CALD1: variants seen among roughly 807,000 people sequenced by gnomAD.
CALD1 encodes caldesmon 1.
Under a neutral mutation model 99.9 loss-of-function variants are expected in CALD1, and 33 were observed. The ratio of observed to expected loss-of-function variants is 0.33; its 90% CI spans 0.25 to 0.44. The LOEUF is 0.44. Ranked by LOEUF, CALD1 falls within the 20% of genes least tolerant of loss-of-function variation. The pLI is 1.00. For synonymous variants in CALD1, 310 were observed against 325.0 expected (o/e 0.95, Z 0.50); for missense variants, 861 against 962.1 (o/e 0.89, Z 1.39).
intron 3 of CALD1, among the ~76,000 whole-genome samples, chr7:134,868,709 G>T (rs1451273530): frequency 2.6e-5 from 4 of 152,178 alleles, no homozygotes; most frequent in Non-Finnish European, 5.9e-5. Flanking sequence ...AAAAGCAAAA[G>T]ATAAAATAAC....
intron 1 of CALD1, chr7:134,809,562 T>A (rs1486539014): frequency 6.6e-6 from 1 of 152,232 alleles, no homozygotes; most frequent in East Asian, 1.9e-4. Context: ...GCTGATATGT[T>A]TGTTACATTC....
chr7:134,966,309 T>C (rs963265481), intron 14 of CALD1, among the ~76,000 whole-genome samples: 2 of 152,206 alleles, frequency 1.3e-5, no homozygotes, highest in Admixed American at 6.5e-5. Flanking sequence ...TGCAGCTACC[T>C]AAACATATTA....
upstream of CALD1, among the ~76,000 whole-genome samples, chr7:134,776,505 G>A (rs1463773029): frequency 3.3e-5 from 5 of 151,972 alleles, no homozygotes; most frequent in Non-Finnish European, 7.4e-5. Flanking sequence ...TTTCCACACT[G>A]TTGGATTCAA....
In CALD1 at chr7:134,950,812, C is replaced by T. The variant is rs533944385; in HGVS notation, c.1935+298C>T. Among the ~76,000 whole-genome samples, 28 of 152,208 alleles carry T rather than the reference C, an allele frequency of 1.8e-4. 1 individual carries two copies. Among genetic ancestry groups the T allele is most frequent in the Admixed American group, 7.2e-4 (11 of 15,296 alleles). ...CTCTACCAAAAATTCAAAAACTAGC[C>T]GGACGTGGTGGCACACACCTGTAAT... On this transcript the variant is annotated intron_variant, in intron 9 of 14. Coordinates refer to ENST00000361675, the MANE Select transcript of CALD1 (RefSeq NM_033138.4).
chr7:134,836,472 G>A (rs991824240), intron 1 of CALD1, among the ~76,000 whole-genome samples: 1 of 152,178 alleles, frequency 6.6e-6, no homozygotes, highest in Non-Finnish European at 1.5e-5. Flanking sequence ...AGTGGCAGTG[G>A]TGATGATTAC....
In CALD1 at chr7:134,934,746, C is replaced by T. The variant is rs1192019179; in HGVS notation, c.1308+669C>T. The stretch of plus-strand genomic sequence containing the variant: ...AAAATACAAAATTAGCTGGGTGTAC[C>T]GGCACATGTCTGTAATCCCAGCTAC... On this transcript the variant is annotated intron_variant, in intron 5 of 14. Transcript: ENST00000361675. Among the ~76,000 whole-genome samples, 6 of 151,784 alleles carry T rather than the reference C, an allele frequency of 4.0e-5. No individual in the cohort carries two copies. The South Asian group carries it at 6.3e-4, about 16-fold the overall frequency.
At chr7:134,716,592 T>G in the CALD1 span, among the ~76,000 whole-genome samples, 1 of 152,166 alleles carries the variant, frequency 6.6e-6, no homozygotes, top group African/African-American at 2.4e-5. Context: ...AAAATATAAA[T>G]GGACAGAGTG....
intron 3 of CALD1, among the ~76,000 whole-genome samples, chr7:134,899,043 A>G (rs1802783078): frequency 1.3e-5 from 2 of 152,234 alleles, no homozygotes; most frequent in Non-Finnish European, 2.9e-5. Context: ...AAAACCAACC[A>G]CTAAAAGAGA....
At chr7:134,813,468 C>A (rs1361725515) in intron 1 of CALD1, among the ~76,000 whole-genome samples, 2 of 152,040 alleles carry the variant, frequency 1.3e-5, no homozygotes, top group Non-Finnish European at 2.9e-5. Flanking sequence ...AGCATGAAAC[C>A]TAGAGCTAAG....
intron 3 of CALD1, among the ~76,000 whole-genome samples, chr7:134,880,927 A>T (rs916731917): frequency 1.3e-5 from 2 of 152,066 alleles, no homozygotes; most frequent in African/African-American, 2.4e-5. Context: ...AGTTTTTTTT[A>T]AACTCTAGGT....
At chr7:134,925,550 G>C (rs906180781) in intron 3 of CALD1, among the ~76,000 whole-genome samples, 1 of 152,142 alleles carries the variant, frequency 6.6e-6, no homozygotes, top group Non-Finnish European at 1.5e-5. Context: ...TACAATCATG[G>C]AGGAAGGGGA....
At chr7:134,733,547 G>GCA in the CALD1 span, among the ~76,000 whole-genome samples, 63 of 152,110 alleles carry the variant, frequency 4.1e-4, no homozygotes, top group Non-Finnish European at 1.2e-4. Context: ...GGTGGCTCAA[G>GCA]CCTGTAATCC....
intron 11 of CALD1, 89 bp downstream of exon 11, chr7:134,958,379 C>A: frequency 5.2e-5 from 48 of 917,822 alleles, no homozygotes; most frequent in Non-Finnish European, 7.9e-5. Context: ...GGACAATAAT[C>A]AAGTCCAATA....
At chr7:134,787,089 C>G (rs1470028880) in intron 1 of CALD1, among the ~76,000 whole-genome samples, 4 of 152,166 alleles carry the variant, frequency 2.6e-5, no homozygotes, top group Non-Finnish European at 4.4e-5. Flanking sequence ...GTTACTTATT[C>G]CTCAGAAGCC....
chr7:134,948,515 A>C (rs1807089251), intron 8 of CALD1, among the ~76,000 whole-genome samples: 1 of 152,194 alleles, frequency 6.6e-6, no homozygotes, highest in Non-Finnish European at 1.5e-5. Context: ...CCTGAGGTAC[A>C]TCGTTCTCAT....
chr7:134,866,880 A>G (rs1489152124), intron 2 of CALD1: 1 of 152,172 alleles, frequency 6.6e-6, no homozygotes, highest in Admixed American at 6.5e-5. Context: ...GGACAAAAAG[A>G]GCCCGCTTCC....
chr7:134,728,078 A>G, the CALD1 span, among the ~76,000 whole-genome samples: 1 of 150,898 alleles, frequency 6.6e-6, no homozygotes, highest in African/African-American at 2.5e-5. Flanking sequence ...TTTTCTTTGT[A>G]TTCAGCATGG....
chr7:134,896,221 T>C (rs909992447), intron 3 of CALD1, among the ~76,000 whole-genome samples: 1 of 152,238 alleles, frequency 6.6e-6, no homozygotes, highest in Admixed American at 6.5e-5. Context: ...CTCGCCATTG[T>C]TCCATCTTCG....
chr7:134,830,872 A>G (rs1430777176), intron 1 of CALD1, among the ~76,000 whole-genome samples: 2 of 152,144 alleles, frequency 1.3e-5, no homozygotes, highest in Non-Finnish European at 2.9e-5. Flanking sequence ...AAATATTCCA[A>G]CTTCTCCAGT....
Sources: allele counts gnomAD v4.1 joint callset (sites outside exome capture counted in the v4.1 genomes callset), GRCh38; gene constraint gnomAD v4.1.1; transcripts MANE v1.5; gene names NCBI Gene and HGNC (gene_info 2026-07-23, HGNC 2026-07-21).